The following TRPS1 variants were observed in gnomAD, a reference collection of about 807,000 sequenced individuals.
The protein encoded by TRPS1 is transcriptional repressor GATA binding 1.
Under a neutral mutation model 101.2 loss-of-function variants are expected in TRPS1, and 6 were observed. The ratio of observed to expected loss-of-function variants is 0.06; its 90% CI spans 0.03 to 0.12. The LOEUF (loss-of-function observed/expected upper bound fraction) is 0.12. TRPS1 is among the 10% of genes least tolerant of loss of function. The probability of loss-of-function intolerance (pLI) is 1.00; values close to 1 mark genes in which losing one functional copy is unlikely to be tolerated. For synonymous variants in TRPS1, 578 were observed against 589.8 expected, an observed-to-expected ratio of 0.98 and a Z score of 0.29; for missense variants, 1,363 against 1,567.0, an observed-to-expected ratio of 0.87 and a Z score of 2.20.
chr8:115,625,576 T>A (rs1476432218), intron 1 of TRPS1, among the ~76,000 whole-genome samples: 1 of 151,960 alleles, frequency 6.6e-6, no homozygotes, highest in Non-Finnish European at 1.5e-5. Flanking sequence ...ACCTCAGTTA[T>A]GTGCCAAACA....
At chr8:115,525,187 G>A (rs1042647461) in intron 5 of TRPS1, among the ~76,000 whole-genome samples, 1 of 152,112 alleles carries the variant, frequency 6.6e-6, no homozygotes, top group Non-Finnish European at 1.5e-5. Context: ...AGTGAAAGCA[G>A]ATCAGTTCTC....
At chr8:115,473,501 C>T (rs1198722089) in intron 5 of TRPS1, among the ~76,000 whole-genome samples, 1 of 152,152 alleles carries the variant, frequency 6.6e-6, no homozygotes, top group East Asian at 1.9e-4. Flanking sequence ...ACAGCCAAAC[C>T]ATATCAGGCA....
At chr8:115,609,072 C>A (rs999189163) in intron 3 of TRPS1, among the ~76,000 whole-genome samples, 1 of 152,126 alleles carries the variant, frequency 6.6e-6, no homozygotes, top group Middle Eastern at 3.2e-3. Context: ...GTCTTGAACT[C>A]CTGGGCTCAA....
chr8:115,610,634 C>T (rs1818141455), intron 3 of TRPS1, among the ~76,000 whole-genome samples: 1 of 152,198 alleles, frequency 6.6e-6, no homozygotes, highest in Non-Finnish European at 1.5e-5. Context: ...CAAACTCCTA[C>T]ACTGGGCACA....
At chr8:115,466,812 A>C (rs1420096564) in intron 5 of TRPS1, among the ~76,000 whole-genome samples, 1 of 151,982 alleles carries the variant, frequency 6.6e-6, no homozygotes, top group Non-Finnish European at 1.5e-5. Flanking sequence ...TAACTCCTCA[A>C]CTTTCATAAT....
At chr8:115,546,354 G>T (rs1017874441) in intron 5 of TRPS1, among the ~76,000 whole-genome samples, 1 of 151,874 alleles carries the variant, frequency 6.6e-6, no homozygotes, top group Non-Finnish European at 1.5e-5. Context: ...GTACTAATAG[G>T]TGACTTTCTC....
At chr8:115,424,203 C>T (rs1440233556) in intron 5 of TRPS1, among the ~76,000 whole-genome samples, 2 of 152,164 alleles carry the variant, frequency 1.3e-5, no homozygotes, top group Non-Finnish European at 2.9e-5. Flanking sequence ...TCGAATCAAT[C>T]TGAAATCTGA....
chr8:115,642,885 T>C (rs1818936139), intron 1 of TRPS1, among the ~76,000 whole-genome samples: 2 of 148,668 alleles, frequency 1.3e-5, no homozygotes, highest in African/African-American at 4.9e-5. Flanking sequence ...TTTAACGTTA[T>C]ATATATATAA....
chr8:115,481,748 C>G (rs982886252), intron 5 of TRPS1, among the ~76,000 whole-genome samples: 1 of 152,152 alleles, frequency 6.6e-6, no homozygotes, highest in African/African-American at 2.4e-5. Context: ...TCTGCTGAGA[C>G]AGTCATCTGT....
intron 5 of TRPS1, among the ~76,000 whole-genome samples, chr8:115,470,848 C>T (rs1814450538): frequency 6.6e-6 from 1 of 152,088 alleles, no homozygotes; most frequent in African/African-American, 2.4e-5. Context: ...TTTAAGATTG[C>T]ATTTAAGATG....
chr8:115,606,598 A>G (rs1459571847), intron 3 of TRPS1, among the ~76,000 whole-genome samples: 2 of 152,116 alleles, frequency 1.3e-5, no homozygotes, highest in East Asian at 3.9e-4. Flanking sequence ...CCAGGCAGCA[A>G]CCTGACAATC....
intron 5 of TRPS1, among the ~76,000 whole-genome samples, chr8:115,533,313 A>G (rs1209400296): frequency 6.6e-6 from 1 of 152,120 alleles, no homozygotes; most frequent in Non-Finnish European, 1.5e-5. Context: ...ACTAGTTCCA[A>G]TATTTCTAAT....
chr8:115,449,424 C>T (rs545648396), intron 5 of TRPS1, among the ~76,000 whole-genome samples: 4 of 152,166 alleles, frequency 2.6e-5, no homozygotes, highest in Non-Finnish European at 4.4e-5. Context: ...GTCCATTCAG[C>T]GTGACTGAAA....
At chr8:115,610,189 A>G (rs1217630064) in intron 3 of TRPS1, among the ~76,000 whole-genome samples, 1 of 152,186 alleles carries the variant, frequency 6.6e-6, no homozygotes, top group Non-Finnish European at 1.5e-5. Flanking sequence ...ATTTAAGAGA[A>G]CTTGAGGTTA....
chr8:115,564,395 G>C (rs190770351), intron 5 of TRPS1, among the ~76,000 whole-genome samples: 1 of 152,034 alleles, frequency 6.6e-6, no homozygotes, highest in East Asian at 1.9e-4. Flanking sequence ...TTGTACCATA[G>C]ATCACTGGTA....
At chr8:115,498,375 C>T (rs1414698997) in intron 5 of TRPS1, among the ~76,000 whole-genome samples, 1 of 48,822 alleles carries the variant, frequency 2.0e-5, no homozygotes, top group Non-Finnish European at 3.8e-5. Flanking sequence ...GAGAGCCCGT[C>T]TCTCTCTCTC....
intron 5 of TRPS1, among the ~76,000 whole-genome samples, chr8:115,478,319 T>C (rs1475767497): frequency 6.6e-6 from 1 of 152,198 alleles, no homozygotes; most frequent in East Asian, 1.9e-4. Flanking sequence ...TTGAGCTGTA[T>C]TGACTCAGTT....
At position 115,649,913 on chromosome 8, in the gene TRPS1, G is replaced by A. The variant is rs564560502; in HGVS notation, c.-122+18632C>T. ...GCTGGCAATAGAGGCATCTTCAACA[G>A]CATCCACTCCTACATACAGTCTGAT... On this transcript the variant is annotated intron_variant, in intron 1 of 6. Coordinates refer to ENST00000395715, the MANE Select transcript of TRPS1 (RefSeq NM_014112.5). Among the ~76,000 whole-genome samples, 4 of 152,310 alleles carry A rather than the reference G, an allele frequency of 2.6e-5. No homozygotes were observed. In the South Asian group the frequency reaches 8.3e-4, roughly 32 times the overall value.
chr8:115,646,376 G>A (rs1272200893), intron 1 of TRPS1, among the ~76,000 whole-genome samples: 2 of 152,144 alleles, frequency 1.3e-5, no homozygotes, highest in East Asian at 3.8e-4. Context: ...ACCATAGCTG[G>A]ACAGAAGTCT....
Sources: gnomAD v4.1 joint callset for allele counts (sites outside exome capture counted in the v4.1 genomes callset) on GRCh38, gnomAD v4.1.1 for gene constraint, MANE v1.5 for transcripts, NCBI Gene and HGNC (gene_info 2026-07-23, HGNC 2026-07-21) for gene names.